The following MFHAS1 variants were observed in gnomAD, a reference collection of about 807,000 sequenced individuals.
The protein encoded by MFHAS1 is multifunctional ROCO family signaling regulator 1.
MFHAS1 carries 50 observed loss-of-function variants against 70.4 expected under a neutral mutation model. That is an observed-to-expected ratio of 0.71 (90% CI 0.57 to 0.90). The LOEUF (loss-of-function observed/expected upper bound fraction) is 0.90. Among genes scored for constraint, MFHAS1 ranks in the 40% least tolerant of loss-of-function variants. The pLI, the probability that MFHAS1 is intolerant of heterozygous loss-of-function variation, is 0.00. For synonymous variants in MFHAS1, 952 were observed against 620.0 expected, an observed-to-expected ratio of 1.54 and a Z score of -7.96; for missense variants, 1,795 against 1,347.6, an observed-to-expected ratio of 1.33 and a Z score of -5.20.
Position 8,891,417 on chromosome 8 carries a change from C to T in MFHAS1, c.1642G>A (p.Glu548Lys). The change falls in exon 1 of 3, where the codon GAG becomes AAG. Residue 548 changes from glutamate to lysine, a missense_variant. Coordinates refer to ENST00000276282, the MANE Select transcript of MFHAS1 (RefSeq NM_004225.3). The surrounding 1 kb of genome is among the most constrained non-coding windows in gnomAD (Gnocchi z 5.4). ...HADLCGEREL[E>K]EKCLDIHRQI... Reference sequence around the variant, plus strand: ...CGGTGAATGTCCAGACATTTCTCCTCCAGCTCACGCTCTCCGCACAGGTCT... The same window carrying T: ...CGGTGAATGTCCAGACATTTCTCCTTCAGCTCACGCTCTCCGCACAGGTCT... 10 of 1,612,740 alleles carry T rather than the reference C, an allele frequency of 6.2e-6. No homozygotes were observed. Among genetic ancestry groups the T allele is most frequent in the Non-Finnish European group, 8.5e-6 (10 of 1,180,026 alleles).
chr8:8,786,379 A>C (rs547133031), intron 2 of MFHAS1, among the ~76,000 whole-genome samples: 53 of 152,324 alleles, frequency 3.5e-4, no homozygotes, highest in Admixed American at 3.5e-3. Flanking sequence ...TAACAACCCA[A>C]AACTCTAAAC....
chr8:8,828,951 C>G (rs764659293), intron 1 of MFHAS1, among the ~76,000 whole-genome samples: 7 of 152,162 alleles, frequency 4.6e-5, no homozygotes, highest in Non-Finnish European at 8.8e-5. Context: ...AAGAGCACCC[C>G]TGCCTCCCTC....
chr8:8,887,287 A>C (rs944819781), intron 1 of MFHAS1, among the ~76,000 whole-genome samples: 2 of 152,212 alleles, frequency 1.3e-5, no homozygotes, highest in African/African-American at 4.8e-5. Flanking sequence ...CTGTTCCCAC[A>C]TTTAGCTTTT....
At chr8:8,829,467 G>T (rs926423144) in intron 1 of MFHAS1, among the ~76,000 whole-genome samples, 10 of 152,194 alleles carry the variant, frequency 6.6e-5, no homozygotes, top group African/African-American at 2.4e-4. Context: ...GATCACTTGA[G>T]GTCAGGAGTT....
intron 2 of MFHAS1, among the ~76,000 whole-genome samples, chr8:8,791,162 TG>T (rs1563174968): frequency 3.6e-5 from 5 of 138,306 alleles, no homozygotes; most frequent in African/African-American, 1.4e-4. Context: ...TGTTAACACA[TG>T]ATCAGCCAAA....
intron 1 of MFHAS1, among the ~76,000 whole-genome samples, chr8:8,875,738 G>A (rs1042994500): frequency 3.9e-5 from 6 of 152,028 alleles, no homozygotes; most frequent in Admixed American, 1.3e-4. Context: ...TTACAGGTGC[G>A]TGCCACCACG....
chr8:8,835,902 C>T (rs1807577314), intron 1 of MFHAS1, among the ~76,000 whole-genome samples: 1 of 152,224 alleles, frequency 6.6e-6, no homozygotes, highest in South Asian at 2.1e-4. Flanking sequence ...CAGTCATTTA[C>T]ATATTATCTA....
At chr8:8,792,915 G>T (rs1563175823) in intron 2 of MFHAS1, among the ~76,000 whole-genome samples, 1 of 152,190 alleles carries the variant, frequency 6.6e-6, no homozygotes, top group Non-Finnish European at 1.5e-5. Context: ...GCTACTAGGT[G>T]AATGTTCACC....
At chr8:8,829,604 C>A (rs1444504609) in intron 1 of MFHAS1, among the ~76,000 whole-genome samples, 1 of 152,180 alleles carries the variant, frequency 6.6e-6, no homozygotes, top group Non-Finnish European at 1.5e-5. Flanking sequence ...TCGCTTGAAC[C>A]CAGTAGGTGG....
chr8:8,848,077 T>C (rs1808099567), intron 1 of MFHAS1, among the ~76,000 whole-genome samples: 1 of 152,210 alleles, frequency 6.6e-6, no homozygotes, highest in Non-Finnish European at 1.5e-5. Flanking sequence ...GCAACTGAAC[T>C]GCTGGGACAA....
chr8:8,886,564 C>T (rs1431242016), intron 1 of MFHAS1, among the ~76,000 whole-genome samples: 1 of 152,116 alleles, frequency 6.6e-6, no homozygotes, highest in African/African-American at 2.4e-5. Context: ...CCAGAAAATC[C>T]AACAGGACAA....
At chr8:8,832,691 C>G (rs1330387719) in intron 1 of MFHAS1, among the ~76,000 whole-genome samples, 3 of 144,048 alleles carry the variant, frequency 2.1e-5, no homozygotes, top group Non-Finnish European at 3.0e-5. Context: ...TGTGGTGGCT[C>G]AATCATAGCT....
intron 1 of MFHAS1, among the ~76,000 whole-genome samples, chr8:8,802,409 G>A (rs1039783323): frequency 3.3e-5 from 5 of 152,176 alleles, no homozygotes; most frequent in African/African-American, 7.2e-5. Flanking sequence ...TATTACTGTA[G>A]TCACGAGAAG....
intron 1 of MFHAS1, among the ~76,000 whole-genome samples, chr8:8,865,276 CAAAAAAAAAAAA>C (rs35910015): frequency 1.5e-5 from 1 of 64,672 alleles, no homozygotes; most frequent in Non-Finnish European, 2.8e-5. Context: ...GACTCCATCT[CAAAAAAAAAAAA>C]AAAAAAAAAA....
Position 8,891,258 on chromosome 8 carries a change from T to C in MFHAS1, c.1801A>G (p.Lys601Glu), listed in dbSNP as rs1242103772. 2.5e-6 allele frequency: 4 copies of C among 1,612,188 alleles called. No individual in the cohort carries two copies. Among genetic ancestry groups the C allele is most frequent in the Non-Finnish European group, 3.4e-6 (4 of 1,180,008 alleles). Residue 601 changes from lysine (K) to glutamate (E), a missense_variant, in exon 1 of 3, where the codon AAG (lysine) becomes GAG (glutamate). Lys to Glu is a moderately conservative substitution (Grantham distance 56, BLOSUM62 1). Coordinates refer to ENST00000276282, the MANE Select transcript of MFHAS1 (RefSeq NM_004225.3). The surrounding 1 kb of genome is among the most constrained non-coding windows in gnomAD (Gnocchi z 5.4). Reference protein sequence around the residue: ...PHAAYYGVSDKNLRRRKAHFQ... With the variant: ...PHAAYYGVSDENLRRRKAHFQ... Reference sequence around the variant, plus strand: ...TGGGCCTTGCGCCGTCGAAGGTTCTTGTCCGAAACGCCATAGTAGGCTGCG... The same window carrying C: ...TGGGCCTTGCGCCGTCGAAGGTTCTCGTCCGAAACGCCATAGTAGGCTGCG...
intron 1 of MFHAS1, among the ~76,000 whole-genome samples, chr8:8,842,595 G>C (rs1238926917): frequency 6.6e-6 from 1 of 152,138 alleles, no homozygotes; most frequent in Non-Finnish European, 1.5e-5. Context: ...CATCCGTACA[G>C]CCTTGCTATC....
At chr8:8,786,946 C>G (rs1220827145) in intron 2 of MFHAS1, among the ~76,000 whole-genome samples, 1 of 151,978 alleles carries the variant, frequency 6.6e-6, no homozygotes, top group African/African-American at 2.4e-5. Context: ...CAAAACAAAA[C>G]AAAACAAAAC....
intron 1 of MFHAS1, among the ~76,000 whole-genome samples, chr8:8,862,226 A>C (rs2116891350): frequency 6.6e-6 from 1 of 152,284 alleles, no homozygotes; most frequent in Middle Eastern, 3.4e-3. Flanking sequence ...TAGCCACTCT[A>C]GGGAACATGC....
intron 1 of MFHAS1, among the ~76,000 whole-genome samples, chr8:8,862,992 G>C (rs1201217377): frequency 1.3e-5 from 2 of 152,154 alleles, no homozygotes; most frequent in Admixed American, 6.5e-5. Context: ...CTTACATTTA[G>C]ATCGATTACC....
Sources: gnomAD v4.1 joint callset for allele counts (sites outside exome capture counted in the v4.1 genomes callset) on GRCh38, gnomAD v4.1.1 for gene constraint, Gnocchi (gnomAD v3.1) non-coding constraint, MANE v1.5 for transcripts, NCBI Gene and HGNC (gene_info 2026-07-23, HGNC 2026-07-21) for gene names.